The following RGS6 variants were observed in gnomAD, a reference collection of about 807,000 sequenced individuals.
RGS6 encodes the protein regulator of G-protein signaling 6.
A neutral mutation model predicts 78.5 loss-of-function variants in RGS6; 30 were observed. That is an observed-to-expected ratio of 0.38 (90% confidence interval 0.29 to 0.52). The LOEUF (loss-of-function observed/expected upper bound fraction) is 0.52. Ranked by LOEUF, RGS6 falls within the 20% of genes least tolerant of loss-of-function variation. RGS6 has a pLI of 0.85. For missense variants in RGS6, 495 were observed against 609.7 expected (o/e 0.81, Z 1.98); for synonymous variants, 206 against 206.0 (o/e 1.00, Z 0.00).
At chr14:72,355,414 C>T (rs559428538) in intron 3 of RGS6, among the ~76,000 whole-genome samples, 5 of 152,176 alleles carry the variant, frequency 3.3e-5, no homozygotes, top group Admixed American at 1.3e-4. Flanking sequence ...AGGCTGGTCT[C>T]GAACTCTTGA....
chr14:72,117,386 C>T lies in RGS6; in HGVS notation c.84+152511C>T, dbSNP rs1003807598. 4.6e-5 allele frequency among the ~76,000 whole-genome samples: 7 copies of T among 152,146 alleles called. No individual in the cohort carries two copies. The East Asian group carries it at 5.8e-4, about 13-fold the overall frequency. On this transcript the variant is annotated intron_variant, in intron 2 of 17. Transcript: ENST00000553525. ...GTTGTTTAAAAGACCTGGGATCTCC[C>T]GTTCTCTCTCTTGCTCCAGCTCTCC... is the stretch of plus-strand genomic sequence containing the variant.
chr14:72,565,544 C>T lies in RGS6; in HGVS notation c.*3077C>T, dbSNP rs1482149836. ...CAGGAACAAAGCAGGGCCCAACTGC[C>T]AGTGCAGTCAGCTGGGCCTGCGCTC... is the stretch of plus-strand genomic sequence containing the variant. On this transcript the variant is annotated 3_prime_UTR_variant, in exon 18 of 18. Coordinates refer to ENST00000553525, the MANE Select transcript of RGS6 (RefSeq NM_001204424.2). 1 of 152,194 alleles carries T rather than the reference C, an allele frequency of 6.6e-6. No individual in the cohort carries two copies. The highest frequency in any genetic ancestry group is 1.5e-5 in the Non-Finnish European group (1 of 68,042). The allele number at this position is 152,194 out of a possible 1,614,324, so 9.4% of individuals were successfully genotyped here. A position where few individuals can be genotyped will look rare whatever the true frequency, so the allele number is the denominator to read the frequency against.
intron 2 of RGS6, among the ~76,000 whole-genome samples, chr14:72,098,522 G>A (rs1026130955): frequency 2.6e-5 from 4 of 152,196 alleles, no homozygotes; most frequent in Non-Finnish European, 4.4e-5. Flanking sequence ...TAATGAGCAC[G>A]AACTGTCAGA....
chr14:72,171,056 A>G (rs1272682827), intron 2 of RGS6, among the ~76,000 whole-genome samples: 1 of 152,220 alleles, frequency 6.6e-6, no homozygotes, highest in East Asian at 1.9e-4. Context: ...TAAATTGTGC[A>G]TAGAACTAAA....
chr14:72,422,448 T>C (rs1241874534), intron 3 of RGS6, among the ~76,000 whole-genome samples: 4 of 152,212 alleles, frequency 2.6e-5, no homozygotes, highest in Admixed American at 2.0e-4. Context: ...GTATCTGCAA[T>C]CTTGGGGAAA....
chr14:71,942,098 C>T (rs1566877292), intron 1 of RGS6, among the ~76,000 whole-genome samples: 1 of 152,124 alleles, frequency 6.6e-6, no homozygotes, highest in African/African-American at 2.4e-5. Flanking sequence ...AAAGAATAAT[C>T]ATCCAGAATT....
At chr14:72,321,581 T>C (rs2072042743) in intron 2 of RGS6, among the ~76,000 whole-genome samples, 1 of 151,956 alleles carries the variant, frequency 6.6e-6, no homozygotes, top group African/African-American at 2.4e-5. Flanking sequence ...AGGTTGAATT[T>C]AGAACAAAAA....
At chr14:72,450,144 A>G (rs1324529947) in intron 3 of RGS6, among the ~76,000 whole-genome samples, 1 of 151,826 alleles carries the variant, frequency 6.6e-6, no homozygotes, top group Non-Finnish European at 1.5e-5. Context: ...TATATCCAGA[A>G]TTTTTCCTCT....
intron 3 of RGS6, among the ~76,000 whole-genome samples, chr14:72,444,690 T>C (rs183913607): frequency 1.3e-3 from 68 of 51,554 alleles, no homozygotes; most frequent in African/African-American, 4.5e-3. Context: ...TCGCTTTCCT[T>C]CTGTGGGTCA....
chr14:72,411,618 T>C (rs2093418761), intron 3 of RGS6, among the ~76,000 whole-genome samples: 2 of 152,196 alleles, frequency 1.3e-5, no homozygotes, highest in Admixed American at 6.5e-5. Flanking sequence ...ATAGGAGTGG[T>C]GAGAGAGGGC....
intron 17 of RGS6, among the ~76,000 whole-genome samples, chr14:72,547,684 A>C (rs112126832): frequency 6.6e-6 from 1 of 152,006 alleles, no homozygotes; most frequent in East Asian, 1.9e-4. Context: ...TGGCTTCCCA[A>C]TGGGTGGGAA....
At chr14:72,098,907 A>G (rs1255061932) in intron 2 of RGS6, among the ~76,000 whole-genome samples, 1 of 152,212 alleles carries the variant, frequency 6.6e-6, no homozygotes, top group East Asian at 1.9e-4. Context: ...GGGCACACAC[A>G]AACAAACCTG....
rs374694581 is a variant in RGS6, at chr14:72,066,825, G to A, written c.84+101950G>A. On this transcript the variant is annotated intron_variant, in intron 2 of 17. Coordinates refer to ENST00000553525, the MANE Select transcript of RGS6 (RefSeq NM_001204424.2). ...TAGAGGCAATTTTTTTTTTTTTTTT[G>A]TAAAGATCACAAAAGGTCTGATTAG... Among the ~76,000 whole-genome samples the A allele has an allele frequency of 7.0e-5, 4 of 57,462 alleles. No individual in the cohort carries two copies. In the East Asian group the frequency reaches 1.5e-3, roughly 21 times the overall value. 37.7% of individuals were successfully genotyped at this position (57,462 alleles called of 152,430 possible).
At chr14:72,450,771 G>A (rs904408073) in intron 3 of RGS6, among the ~76,000 whole-genome samples, 4 of 152,174 alleles carry the variant, frequency 2.6e-5, no homozygotes, top group African/African-American at 2.4e-5. Flanking sequence ...AAGGGTGATC[G>A]TGGGTTAGCA....
chr14:72,335,364 G>T (rs2075838715), intron 2 of RGS6, among the ~76,000 whole-genome samples: 1 of 152,018 alleles, frequency 6.6e-6, no homozygotes, highest in African/African-American at 2.4e-5. Flanking sequence ...CTGTTTTCTG[G>T]GTTCCCTGAT....
intron 3 of RGS6, among the ~76,000 whole-genome samples, chr14:72,416,907 T>C (rs1035799413): frequency 6.6e-5 from 10 of 152,200 alleles, no homozygotes; most frequent in African/African-American, 2.4e-4. Flanking sequence ...CCTATAACCA[T>C]GGCATGAGGA....
chr14:72,430,701 T>G (rs1241724952), intron 3 of RGS6, among the ~76,000 whole-genome samples: 1 of 151,984 alleles, frequency 6.6e-6, no homozygotes, highest in African/African-American at 2.4e-5. Context: ...TTCTGTGTGG[T>G]GTTGTTGTTG....
intron 2 of RGS6, among the ~76,000 whole-genome samples, chr14:72,081,515 T>C (rs1285483774): frequency 6.6e-6 from 1 of 152,132 alleles, no homozygotes; most frequent in African/African-American, 2.4e-5. Context: ...TGCAGTTCTC[T>C]TTATTCAGAT....
intron 2 of RGS6, among the ~76,000 whole-genome samples, chr14:71,976,530 C>T (rs1051969919): frequency 5.5e-4 from 83 of 151,294 alleles, no homozygotes; most frequent in Non-Finnish European, 9.6e-4. Flanking sequence ...TTTGTTCTTG[C>T]GATAGTTTAC....
Sources: allele counts gnomAD v4.1 joint callset (sites outside exome capture counted in the v4.1 genomes callset), GRCh38; gene constraint gnomAD v4.1.1; transcripts MANE v1.5; gene names NCBI Gene and HGNC (gene_info 2026-07-23, HGNC 2026-07-21).